The following UTRN variants were observed in gnomAD, a reference collection of about 807,000 sequenced individuals.
UTRN encodes the protein utrophin.
Under a neutral mutation model 463.9 loss-of-function variants are expected in UTRN, and 283 were observed. The observed-to-expected ratio is 0.61, with a 90% CI of 0.55 to 0.67. The LOEUF is 0.67. Among genes scored for constraint, UTRN ranks in the 30% least tolerant of loss-of-function variants. The pLI is 0.00. For missense variants in UTRN, 3,922 were observed against 4,084.3 expected, an observed-to-expected ratio of 0.96 and a Z score of 1.08; for synonymous variants, 1,442 against 1,431.5, an observed-to-expected ratio of 1.01 and a Z score of -0.17.
chr6:144,641,004 T>C (rs1482883544), intron 51 of UTRN, among the ~76,000 whole-genome samples: 4 of 152,144 alleles, frequency 2.6e-5, no homozygotes, highest in Non-Finnish European at 5.9e-5. Flanking sequence ...GTGCACTAGA[T>C]TGTATCTTAG....
rs536884606 is a variant in UTRN, at chr6:144,416,502, C to G, written c.142-5376C>G. On this transcript the variant is annotated intron_variant, in intron 3 of 74. Coordinates refer to ENST00000367545, the MANE Select transcript of UTRN (RefSeq NM_007124.3). ...TTGCAGCCCTTGCTCCCCGCTAGAC[C>G]CCCCTGGCTTCTCCCCTTGCATTGT... Among the ~76,000 whole-genome samples, 33 of 152,220 alleles carry G rather than the reference C, an allele frequency of 2.2e-4. No homozygotes were observed. The South Asian group carries it at 6.2e-3, about 29-fold the overall frequency.
At chr6:144,824,586 A>C (rs1586728840) in intron 66 of UTRN, among the ~76,000 whole-genome samples, 9 of 36,314 alleles carry the variant, frequency 2.5e-4, no homozygotes, top group Non-Finnish European at 3.1e-4. Context: ...ATATATATAT[A>C]TATATATATA....
chr6:144,555,858 C>T (rs1261959724), intron 49 of UTRN, among the ~76,000 whole-genome samples: 1 of 152,050 alleles, frequency 6.6e-6, no homozygotes, highest in African/African-American at 2.4e-5. Flanking sequence ...ACTTACTTAC[C>T]CTGAAGGTTA....
At chr6:144,662,629 G>A (rs939349526) in intron 51 of UTRN, among the ~76,000 whole-genome samples, 1 of 152,174 alleles carries the variant, frequency 6.6e-6, no homozygotes, top group African/African-American at 2.4e-5. Context: ...TATTCCTGAA[G>A]GAATTTCAGG....
rs1340985922 is a variant in UTRN at position 144,789,918 on chromosome 6, GT to G, written c.8920+640del. Reference sequence around the variant, plus strand: ...GGTATATTGGCTTTGGAAAAGACTTGTGTTCAGGAGCCAAGGAGACCTGTCT... The same window carrying G: ...GGTATATTGGCTTTGGAAAAGACTTGGTTCAGGAGCCAAGGAGACCTGTCT... On this transcript the variant is annotated intron_variant, in intron 62 of 74. Coordinates refer to ENST00000367545, the MANE Select transcript of UTRN (RefSeq NM_007124.3). 2.0e-5 allele frequency among the ~76,000 whole-genome samples: 3 copies of G among 152,282 alleles called. No homozygotes were observed. The East Asian group carries it at 5.8e-4, about 29-fold the overall frequency.
intron 74 of UTRN, among the ~76,000 whole-genome samples, chr6:144,850,148 A>C (rs534715405): frequency 6.6e-6 from 1 of 152,326 alleles, no homozygotes; most frequent in East Asian, 1.9e-4. Context: ...TCCAAATTTG[A>C]ATAGTCATGG....
intron 50 of UTRN, among the ~76,000 whole-genome samples, chr6:144,565,488 G>A (rs1024304461): frequency 4.5e-4 from 69 of 152,234 alleles, no homozygotes; most frequent in African/African-American, 1.7e-3. Flanking sequence ...GCTTAACTGA[G>A]TCCATAAGGC....
intron 2 of UTRN, chr6:144,344,382 T>G (rs1039346206): frequency 6.3e-5 from 82 of 1,295,254 alleles, no homozygotes; most frequent in Non-Finnish European, 7.9e-5. Context: ...GTTCTTTCAT[T>G]CAGTTTTGTT....
intron 65 of UTRN, among the ~76,000 whole-genome samples, chr6:144,806,885 T>TTTAAC (rs1194864040): frequency 5.9e-5 from 6 of 102,128 alleles, no homozygotes; most frequent in African/African-American, 1.0e-4. Context: ...TCAGAAATCA[T>TTTAAC]TGCTTTCTGA....
rs573623006 is a variant in UTRN, at chr6:144,434,150, G to A, written c.856-1785G>A. 8.5e-5 allele frequency among the ~76,000 whole-genome samples: 13 copies of A among 152,196 alleles called. No homozygotes were observed. The South Asian group carries it at 1.0e-3, about 12-fold the overall frequency. On this transcript the variant is annotated intron_variant, in intron 9 of 74. Coordinates refer to ENST00000367545, the MANE Select transcript of UTRN (RefSeq NM_007124.3). ...GCGGTCAGGAGCTGGAGACCAGCCC[G>A]GCCAACACAGCGAAACCCCGTCTCC...
chr6:144,816,862 G>A (rs1185453359), intron 65 of UTRN, among the ~76,000 whole-genome samples: 1 of 151,204 alleles, frequency 6.6e-6, no homozygotes, highest in Non-Finnish European at 1.5e-5. Context: ...TTACAGGTGT[G>A]AGCCACTGCA....
chr6:144,522,785 T>C (rs1458532084), intron 40 of UTRN, among the ~76,000 whole-genome samples: 2 of 152,186 alleles, frequency 1.3e-5, no homozygotes, highest in East Asian at 3.8e-4. Context: ...AATGCTACTA[T>C]TGTGAGGACT....
At chr6:144,819,007 A>G (rs1168443566) in intron 65 of UTRN, among the ~76,000 whole-genome samples, 1 of 151,862 alleles carries the variant, frequency 6.6e-6, no homozygotes, top group Non-Finnish European at 1.5e-5. Context: ...CTTTTCATGA[A>G]TACCTTTTTC....
At chr6:144,775,389 G>A (rs559467876) in intron 60 of UTRN, among the ~76,000 whole-genome samples, 1 of 152,198 alleles carries the variant, frequency 6.6e-6, no homozygotes, top group African/African-American at 2.4e-5. Flanking sequence ...GACACCTCCA[G>A]ATGAGGCAAT....
rs754423892 is a variant in UTRN, at chr6:144,429,575, T to C, written c.695-6T>C. On this transcript the variant is annotated splice_polypyrimidine_tract_variant and splice_region_variant and intron_variant, in intron 8 of 74. Coordinates refer to ENST00000367545, the MANE Select transcript of UTRN (RefSeq NM_007124.3). ...TAAGCTGGTTCTTATATTCTTCCAC[T>C]TTTAGATGTTGCCGTTCAGCTTCCT... 6.3e-7 allele frequency: 1 copy of C among 1,597,782 alleles called. No homozygotes were observed. Among genetic ancestry groups the C allele is most frequent in the African/African-American group, 1.4e-5 (1 of 73,892 alleles).
chr6:144,351,670 T>TG (rs1290602090), intron 2 of UTRN, among the ~76,000 whole-genome samples: 2 of 152,252 alleles, frequency 1.3e-5, no homozygotes, highest in Admixed American at 6.5e-5. Context: ...TTGCCTTTGA[T>TG]GCCTTATATA....
chr6:144,447,106 G>C (rs1787770568), intron 14 of UTRN, 105 bp from the exon 15 acceptor site: 4 of 993,156 alleles, frequency 4.0e-6, no homozygotes. Context: ...CCCCATGTAA[G>C]GGTGAAGCCT....
intron 2 of UTRN, among the ~76,000 whole-genome samples, chr6:144,343,686 A>G (rs1461366295): frequency 6.6e-6 from 1 of 152,190 alleles, no homozygotes; most frequent in South Asian, 2.1e-4. Context: ...ATTCTAAGGG[A>G]TGAAGAAGAA....
rs1237305251 is a variant in UTRN, at chr6:144,404,171, A to T, written c.141+987A>T. On this transcript the variant is annotated intron_variant, in intron 3 of 74. Coordinates refer to ENST00000367545, the MANE Select transcript of UTRN (RefSeq NM_007124.3). ...ATTTCACTGCTTTTTGGGCTTTGCGAGTTTATCTTGAGGGGTATTTTATCT... is the reference window on the plus strand; with the variant it reads ...ATTTCACTGCTTTTTGGGCTTTGCGTGTTTATCTTGAGGGGTATTTTATCT... 2.6e-5 allele frequency among the ~76,000 whole-genome samples: 4 copies of T among 152,124 alleles called. 1 individual carries two copies. The highest frequency in any genetic ancestry group is 1.3e-4 in the Admixed American group (2 of 15,274).
Sources: allele counts gnomAD v4.1 joint callset (sites outside exome capture counted in the v4.1 genomes callset), GRCh38; gene constraint gnomAD v4.1.1; transcripts MANE v1.5; gene names NCBI Gene and HGNC (gene_info 2026-07-23, HGNC 2026-07-21).